NSMCE2: variants seen among roughly 807,000 people sequenced by gnomAD.
NSMCE2 encodes the protein E3 SUMO-protein ligase NSE2.
NSMCE2 carries 24 observed loss-of-function variants against 23.8 expected under a neutral mutation model. The ratio of observed to expected loss-of-function variants is 1.01; its 90% confidence interval spans 0.73 to 1.42. The LOEUF is 1.42. Among genes scored for constraint, NSMCE2 ranks in the 40% most tolerant of loss-of-function variants. The pLI is 0.00. For missense variants in NSMCE2, 284 were observed against 296.5 expected (o/e 0.96, Z 0.31); for synonymous variants, 92 against 94.1 (o/e 0.98, Z 0.13).
At chr8:125,146,335 C>T (rs1302776215) in intron 3 of NSMCE2, among the ~76,000 whole-genome samples, 2 of 152,222 alleles carry the variant, frequency 1.3e-5, no homozygotes, top group Non-Finnish European at 2.9e-5. Context: ...TGCTAACTAC[C>T]TTTGTGGCCT....
At chr8:125,183,119 A>G (rs1822907028) in intron 5 of NSMCE2, among the ~76,000 whole-genome samples, 1 of 152,190 alleles carries the variant, frequency 6.6e-6, no homozygotes. Flanking sequence ...ATTTACACAC[A>G]CATGGAGCAG....
At chr8:125,355,239 C>G (rs1813206067) in intron 5 of NSMCE2, among the ~76,000 whole-genome samples, 1 of 152,194 alleles carries the variant, frequency 6.6e-6, no homozygotes, top group Non-Finnish European at 1.5e-5. Flanking sequence ...GCCACACCAT[C>G]TGAACCAGAA....
At chr8:125,316,773 C>T (rs537630942) in intron 5 of NSMCE2, among the ~76,000 whole-genome samples, 224 of 77,352 alleles carry the variant, frequency 2.9e-3, no homozygotes, top group African/African-American at 0.014. Flanking sequence ...CCTTCCTTCT[C>T]TCTCTCTCTT....
intron 5 of NSMCE2, among the ~76,000 whole-genome samples, chr8:125,323,976 T>A (rs1829548767): frequency 6.6e-6 from 1 of 151,584 alleles, no homozygotes; most frequent in Non-Finnish European, 1.5e-5. Context: ...CTCCCAAAAA[T>A]GGAAAAAAGA....
intron 3 of NSMCE2, among the ~76,000 whole-genome samples, chr8:125,137,203 G>A (rs1240622001): frequency 6.6e-6 from 1 of 152,022 alleles, no homozygotes; most frequent in Non-Finnish European, 1.5e-5. Context: ...TGAAAGAAAT[G>A]TTTCTCCCCA....
chr8:125,207,818 C>T (rs1336715391), intron 5 of NSMCE2, among the ~76,000 whole-genome samples: 1 of 152,212 alleles, frequency 6.6e-6, no homozygotes, highest in Non-Finnish European at 1.5e-5. Flanking sequence ...CATGTGGTTG[C>T]AGCCTCCAGC....
intron 5 of NSMCE2, among the ~76,000 whole-genome samples, chr8:125,315,865 C>T (rs1291574658): frequency 2.0e-5 from 3 of 152,004 alleles, no homozygotes. Context: ...TGCAGTGGTG[C>T]AGTCACAGCT....
intron 5 of NSMCE2, among the ~76,000 whole-genome samples, chr8:125,255,308 T>A (rs1381314665): frequency 6.6e-6 from 1 of 152,184 alleles, no homozygotes; most frequent in African/African-American, 2.4e-5. Context: ...CCATAGAGTT[T>A]AGGAATGATT....
At chr8:125,116,103 C>T (rs1818994867) in intron 3 of NSMCE2, among the ~76,000 whole-genome samples, 1 of 152,198 alleles carries the variant, frequency 6.6e-6, no homozygotes, top group South Asian at 2.1e-4. Flanking sequence ...TTTCTGCTAA[C>T]CATGGATGAA....
chr8:125,102,601 A>G, intron 3 of NSMCE2, 114 bp downstream of exon 3: 3 of 772,848 alleles, frequency 3.9e-6, no homozygotes, highest in African/African-American at 1.7e-5. Context: ...CCCTCTAGGC[A>G]TCTGTTGTCT....
chr8:125,276,380 A>G (rs1586707244), intron 5 of NSMCE2, among the ~76,000 whole-genome samples: 2 of 152,224 alleles, frequency 1.3e-5, no homozygotes, highest in East Asian at 1.9e-4. Context: ...TTCCCACCCT[A>G]AAACCCCTCT....
chr8:125,273,379 T>TA (rs1266282851), intron 5 of NSMCE2, among the ~76,000 whole-genome samples: 1 of 152,254 alleles, frequency 6.6e-6, no homozygotes, highest in Non-Finnish European at 1.5e-5. Context: ...ATTGAAGTGA[T>TA]AAAAGTTATT....
chr8:125,239,328 G>A (rs1450933600), intron 5 of NSMCE2, among the ~76,000 whole-genome samples: 2 of 152,106 alleles, frequency 1.3e-5, no homozygotes, highest in Non-Finnish European at 2.9e-5. Context: ...TAAAAATTGG[G>A]TGGGGCACTG....
chr8:125,095,102 T>C (rs1193315809), intron 1 of NSMCE2, among the ~76,000 whole-genome samples: 2 of 152,154 alleles, frequency 1.3e-5, no homozygotes, highest in African/African-American at 2.4e-5. Context: ...CCTCCCACAT[T>C]GGCCTCCCAA....
At chr8:125,213,734 T>TTCCTTCCTTATTTCCTTCCC in intron 5 of NSMCE2, among the ~76,000 whole-genome samples, 1 of 149,932 alleles carries the variant, frequency 6.7e-6, no homozygotes, top group African/African-American at 2.5e-5. Flanking sequence ...ATTTCCTTCC[T>TTCCTTCCTTATTTCCTTCCC]TCCTTCCTTC....
chr8:125,236,007 G>A (rs1825533212), intron 5 of NSMCE2, among the ~76,000 whole-genome samples: 3 of 152,174 alleles, frequency 2.0e-5, no homozygotes, highest in Admixed American at 1.3e-4. Flanking sequence ...TAGGTTATTT[G>A]AACAATCTTC....
intron 3 of NSMCE2, among the ~76,000 whole-genome samples, chr8:125,108,402 T>G (rs1818573031): frequency 6.6e-6 from 1 of 152,098 alleles, no homozygotes. Context: ...ATGAAAGACT[T>G]GTAGAAGGCT....
intron 5 of NSMCE2, among the ~76,000 whole-genome samples, chr8:125,297,173 T>A (rs886487847): frequency 1.3e-5 from 2 of 152,242 alleles, no homozygotes; most frequent in East Asian, 3.8e-4. Flanking sequence ...ATTTTCATGC[T>A]TTTTAGTCAA....
rs185175330 is a variant in NSMCE2, at chr8:125,219,387, G to A, written c.418+37131G>A. On this transcript the variant is annotated intron_variant, in intron 5 of 7. Coordinates refer to ENST00000287437, the MANE Select transcript of NSMCE2 (RefSeq NM_173685.4). Reference sequence around the variant, plus strand: ...TGTTGGGCTAAATTTACTCTGGATTGAATATTAACACAGTGCCTGGCAGTA... The same window carrying A: ...TGTTGGGCTAAATTTACTCTGGATTAAATATTAACACAGTGCCTGGCAGTA... Among the ~76,000 whole-genome samples, 509 of 152,268 alleles carry A rather than the reference G, an allele frequency of 3.3e-3. 2 individuals carry two copies. The highest frequency in any genetic ancestry group is 5.8e-3 in the Admixed American group (89 of 15,288).
Sources: gnomAD v4.1 joint callset for allele counts (sites outside exome capture counted in the v4.1 genomes callset) on GRCh38, gnomAD v4.1.1 for gene constraint, MANE v1.5 for transcripts, NCBI Gene and HGNC (gene_info 2026-07-23, HGNC 2026-07-21) for gene names.